Variants in DGLUCY observed in about 807,000 individuals in gnomAD.
The protein encoded by DGLUCY is D-glutamate cyclase, mitochondrial.
A neutral mutation model predicts 58.5 loss-of-function variants in DGLUCY; 58 were observed. That is an observed-to-expected ratio of 0.99 (90% CI 0.80 to 1.23). The LOEUF is 1.23. DGLUCY is among the 50% of genes most tolerant of loss of function. DGLUCY has a pLI of 0.00. For synonymous variants in DGLUCY, 325 were observed against 314.1 expected, an observed-to-expected ratio of 1.03 and a Z score of -0.37; for missense variants, 779 against 784.7, an observed-to-expected ratio of 0.99 and a Z score of 0.09.
chr14:91,147,912 G>A (rs1284285223), intron 1 of DGLUCY: 1 of 152,236 alleles, frequency 6.6e-6, no homozygotes. Context: ...GCGCACGTGA[G>A]CCTGTAGTCC....
rs1408666324 is a variant in DGLUCY, at chr14:91,189,129, G to C, written c.1154G>C (p.Trp385Ser). 1 of 1,614,076 alleles carries C rather than the reference G, an allele frequency of 6.2e-7. No individual in the cohort carries two copies. Among genetic ancestry groups the C allele is most frequent in the Admixed American group, 1.7e-5 (1 of 60,000 alleles). The change falls in exon 9 of 14, where the codon TGG becomes TCG. Residue 385 changes from tryptophan to serine, a missense_variant. By Grantham distance (177) the Trp-to-Ser change is radical. Transcript: ENST00000256324. ...GCCATAATCGTTGACCAGAGAGCCT[G>C]GAACTTGCACCAGAAGATTGTTGAA... ...EVAIIVDQRA[W>S]NLHQKIVEDA... is the part of the protein sequence containing the mutation.
intron 1 of DGLUCY, among the ~76,000 whole-genome samples, chr14:91,072,648 G>T (rs1224232467): frequency 7.1e-6 from 1 of 140,016 alleles, no homozygotes; most frequent in South Asian, 2.3e-4. Flanking sequence ...TGAGATTTGA[G>T]ACACCAAAAA....
chr14:91,189,713 A>G (rs61990142), intron 9 of DGLUCY: 33,353 of 157,638 alleles, frequency 0.21, 3,986 homozygotes, highest in Non-Finnish European at 0.27. Context: ...TCCATCCTGC[A>G]GGAAGTGTTA....
At chr14:91,135,455 G>T (rs1027649807) in intron 1 of DGLUCY, among the ~76,000 whole-genome samples, 8 of 152,068 alleles carry the variant, frequency 5.3e-5, no homozygotes, top group African/African-American at 1.9e-4. Context: ...TTTGAGGCCA[G>T]CCTGGCCAAT....
chr14:91,161,056 T>A (rs1359429838), intron 3 of DGLUCY, among the ~76,000 whole-genome samples: 2 of 152,248 alleles, frequency 1.3e-5, no homozygotes, highest in African/African-American at 2.4e-5. Flanking sequence ...AACTGTTGTA[T>A]AACAAGGCAC....
At chr14:91,209,903 T>C (rs1256571609) in intron 12 of DGLUCY, among the ~76,000 whole-genome samples, 2 of 152,124 alleles carry the variant, frequency 1.3e-5, no homozygotes, top group Non-Finnish European at 2.9e-5. Context: ...CTACATTAAT[T>C]TCAGACATAG....
chr14:91,088,491 G>A (rs561854698), intron 1 of DGLUCY, among the ~76,000 whole-genome samples: 2 of 152,288 alleles, frequency 1.3e-5, no homozygotes, highest in African/African-American at 4.8e-5. Context: ...CAGAGAAGCC[G>A]ATGAGTCCCC....
intron 1 of DGLUCY, among the ~76,000 whole-genome samples, chr14:91,086,342 A>G (rs1397525256): frequency 6.6e-6 from 1 of 152,194 alleles, no homozygotes; most frequent in Admixed American, 6.5e-5. Context: ...TGGTCCATGG[A>G]AAAATGGTCT....
chr14:91,103,524 A>T (rs963743136), upstream of DGLUCY, among the ~76,000 whole-genome samples: 2 of 152,020 alleles, frequency 1.3e-5, no homozygotes, highest in Admixed American at 6.6e-5. Flanking sequence ...GCCTTCCTAC[A>T]TCTACTTCTG....
intron 2 of DGLUCY, among the ~76,000 whole-genome samples, chr14:91,158,494 G>T (rs1181721876): frequency 1.7e-4 from 26 of 152,154 alleles, no homozygotes; most frequent in Admixed American, 1.6e-3. Flanking sequence ...CAAATTCTTT[G>T]TTAAAATGGC....
At chr14:91,080,691 G>T (rs933087863) in intron 1 of DGLUCY, among the ~76,000 whole-genome samples, 7 of 152,094 alleles carry the variant, frequency 4.6e-5, no homozygotes, top group African/African-American at 1.7e-4. Flanking sequence ...ATTTTTAATG[G>T]TTTCCCATTT....
chr14:91,104,298 G>A (rs79022569), upstream of DGLUCY, among the ~76,000 whole-genome samples: 5 of 151,812 alleles, frequency 3.3e-5, no homozygotes, highest in African/African-American at 4.8e-5. Context: ...TCCTGACCTC[G>A]TGATCCGCCC....
At chr14:91,091,487 A>T (rs2044310149) in intron 1 of DGLUCY, among the ~76,000 whole-genome samples, 2 of 152,104 alleles carry the variant, frequency 1.3e-5, no homozygotes, top group African/African-American at 4.8e-5. Context: ...ACGCCACTAC[A>T]CTCCAGCCTG....
At chr14:91,207,349 A>T (rs1884921896) in intron 12 of DGLUCY, among the ~76,000 whole-genome samples, 1 of 152,168 alleles carries the variant, frequency 6.6e-6, no homozygotes, top group South Asian at 2.1e-4. Flanking sequence ...GGGGAAAAAA[A>T]AACCCACAAC....
At chr14:91,135,008 T>C (rs892309350) in intron 1 of DGLUCY, among the ~76,000 whole-genome samples, 14 of 151,796 alleles carry the variant, frequency 9.2e-5, no homozygotes, top group Non-Finnish European at 2.1e-4. Context: ...CATTGCAACC[T>C]CCCCCTCCCA....
intron 1 of DGLUCY, among the ~76,000 whole-genome samples, chr14:91,129,330 T>A (rs564474514): frequency 9.9e-5 from 15 of 152,254 alleles, no homozygotes; most frequent in African/African-American, 3.6e-4. Context: ...TGAGGGAAAT[T>A]ACAGATTTCA....
At chr14:91,111,258 ATATATC>A (rs2044694306), upstream of DGLUCY, among the ~76,000 whole-genome samples, 1 of 144,792 alleles carries the variant, frequency 6.9e-6, no homozygotes, top group East Asian at 2.0e-4. Flanking sequence ...GTATATATCT[ATATATC>A]TATATCTATC....
chr14:91,172,715 C>T (rs907748697), intron 5 of DGLUCY, among the ~76,000 whole-genome samples: 3 of 151,506 alleles, frequency 2.0e-5, no homozygotes, highest in African/African-American at 4.8e-5. Flanking sequence ...GGTGTGATTT[C>T]GGCTCACTGC....
chr14:91,076,060 C>T (rs1026813092), intron 1 of DGLUCY, among the ~76,000 whole-genome samples: 1 of 151,638 alleles, frequency 6.6e-6, no homozygotes, highest in East Asian at 1.9e-4. Flanking sequence ...CTGCAGTGAG[C>T]CAAGATTGTG....
Sources: gnomAD v4.1 joint callset for allele counts (sites outside exome capture counted in the v4.1 genomes callset) on GRCh38, gnomAD v4.1.1 for gene constraint, MANE v1.5 for transcripts, NCBI Gene and HGNC (gene_info 2026-07-23, HGNC 2026-07-21) for gene names.